The following NTNG1 variants were observed in gnomAD, a reference collection of about 807,000 sequenced individuals.
NTNG1 encodes the protein netrin-G1.
Under a neutral mutation model 54.0 loss-of-function variants are expected in NTNG1, and 16 were observed. The ratio of observed to expected loss-of-function variants is 0.30; its 90% CI spans 0.20 to 0.45. The LOEUF (loss-of-function observed/expected upper bound fraction) is 0.45. NTNG1 is among the 20% of genes least tolerant of loss of function. The probability of loss-of-function intolerance (pLI) is 1.00; values close to 1 mark genes in which losing one functional copy is unlikely to be tolerated. For synonymous variants in NTNG1, 255 were observed against 263.1 expected (o/e 0.97, Z 0.30); for missense variants, 530 against 678.7 (o/e 0.78, Z 2.43).
chr1:107,148,360 T>A lies in NTNG1; in HGVS notation c.-234T>A, dbSNP rs1654291101. 1 of 480,816 alleles carries A rather than the reference T, an allele frequency of 2.1e-6. No homozygotes were observed. The highest frequency in any genetic ancestry group is 3.1e-5 in the South Asian group (1 of 32,786). 29.8% of individuals were successfully genotyped at this position (480,816 alleles called of 1,614,324 possible). ...GTTGTTAACGCCTAACACACAAGTA[T>A]GTTAGGCTTCCACCAAAGTCCTCAA... is the stretch of plus-strand genomic sequence containing the variant. On this transcript the variant is annotated 5_prime_UTR_variant, in exon 2 of 8. The change abolishes an upstream ATG in the 5' untranslated region. Transcript: ENST00000370068.
At chr1:107,324,179 A>G in intron 2 of NTNG1, 103 bp from the exon 3 acceptor site, 2 of 997,992 alleles carry the variant, frequency 2.0e-6, no homozygotes, top group Non-Finnish European at 3.0e-6. Context: ...CTGAAAACAG[A>G]TTTTTTTTTT....
At chr1:107,454,830 G>A (rs1676839496) in intron 7 of NTNG1, among the ~76,000 whole-genome samples, 1 of 152,136 alleles carries the variant, frequency 6.6e-6, no homozygotes, top group Non-Finnish European at 1.5e-5. Context: ...GCTTCTTACA[G>A]ATAAGGAAAC....
chr1:107,323,965 C>T lies in NTNG1; in HGVS notation c.247-317C>T, dbSNP rs561798412. ...TCTATAGCATCTTTGTAAGAGGAAGCGGAGGTATTGAGCTGTTAGACAGTT... is the reference window on the plus strand; with the variant it reads ...TCTATAGCATCTTTGTAAGAGGAAGTGGAGGTATTGAGCTGTTAGACAGTT... On this transcript the variant is annotated intron_variant, in intron 2 of 7. Coordinates refer to ENST00000370068, the MANE Select transcript of NTNG1 (RefSeq NM_001113226.3). Among the ~76,000 whole-genome samples, 6 of 152,092 alleles carry T rather than the reference C, an allele frequency of 3.9e-5. No individual in the cohort carries two copies. The South Asian group carries it at 1.2e-3, about 32-fold the overall frequency.
chr1:107,364,031 A>G (rs1458407152), intron 3 of NTNG1, among the ~76,000 whole-genome samples: 1 of 152,132 alleles, frequency 6.6e-6, no homozygotes, highest in Admixed American at 6.6e-5. Flanking sequence ...ATTTTGCTTG[A>G]CTGACTAAGA....
At chr1:107,447,107 G>A (rs17466436) in intron 7 of NTNG1, among the ~76,000 whole-genome samples, 11,038 of 151,972 alleles carry the variant, frequency 0.073, 523 homozygotes, top group Non-Finnish European at 0.11. Context: ...AACTCTTTTG[G>A]GGAAATGGGC....
intron 3 of NTNG1, among the ~76,000 whole-genome samples, chr1:107,361,374 C>CACATATATATAT (rs1285054598): frequency 8.0e-5 from 7 of 87,998 alleles, no homozygotes; most frequent in Admixed American, 1.8e-4. Flanking sequence ...TATATATATA[C>CACATATATATAT]ATATATATAT....
intron 2 of NTNG1, among the ~76,000 whole-genome samples, chr1:107,215,871 T>C (rs1314001441): frequency 6.6e-6 from 1 of 152,028 alleles, no homozygotes; most frequent in Non-Finnish European, 1.5e-5. Flanking sequence ...CTTGGTTAAG[T>C]ATATTCCTAA....
chr1:107,434,624 T>C (rs1394081851), intron 6 of NTNG1, among the ~76,000 whole-genome samples: 1 of 152,164 alleles, frequency 6.6e-6, no homozygotes, highest in African/African-American at 2.4e-5. Context: ...TTGAAACCCA[T>C]GGTTGGGTAA....
chr1:107,235,935 A>G (rs186194883), intron 2 of NTNG1, among the ~76,000 whole-genome samples: 4 of 152,074 alleles, frequency 2.6e-5, no homozygotes, highest in Admixed American at 1.3e-4. Flanking sequence ...CCTCTCTCAC[A>G]CTCTGCCCCC....
At chr1:107,189,118 G>A (rs575395767) in intron 2 of NTNG1, among the ~76,000 whole-genome samples, 5 of 152,034 alleles carry the variant, frequency 3.3e-5, no homozygotes, top group Non-Finnish European at 7.4e-5. Context: ...TTGGGAGACC[G>A]AGGTGGGTGT....
intron 3 of NTNG1, among the ~76,000 whole-genome samples, chr1:107,378,945 T>C (rs1311841071): frequency 5.9e-5 from 9 of 152,256 alleles, no homozygotes; most frequent in Non-Finnish European, 1.3e-4. Flanking sequence ...CATAAAGCTC[T>C]TGTGTTTACC....
chr1:107,392,629 G>C (rs1672433381), intron 3 of NTNG1, among the ~76,000 whole-genome samples: 1 of 152,046 alleles, frequency 6.6e-6, no homozygotes, highest in Non-Finnish European at 1.5e-5. Context: ...GATTTGACAA[G>C]GGAGGCTGTG....
chr1:107,335,408 G>T (rs1668520488), intron 3 of NTNG1, among the ~76,000 whole-genome samples: 1 of 152,004 alleles, frequency 6.6e-6, no homozygotes, highest in South Asian at 2.1e-4. Context: ...AAGAGTTTGA[G>T]CTGAGGAGAC....
At chr1:107,469,525 C>T (rs1029459997) in intron 7 of NTNG1, among the ~76,000 whole-genome samples, 3 of 152,090 alleles carry the variant, frequency 2.0e-5, no homozygotes, top group Admixed American at 2.0e-4. Context: ...CTCTGTCTCC[C>T]AGGCTGGAGT....
chr1:107,238,580 G>T (rs972653688), intron 2 of NTNG1, among the ~76,000 whole-genome samples: 2 of 152,134 alleles, frequency 1.3e-5, no homozygotes, highest in African/African-American at 4.8e-5. Flanking sequence ...GACACAGTGG[G>T]AGGTAAATGA....
Position 107,324,739 on chromosome 1 carries a change from C to T in NTNG1, c.704C>T (p.Pro235Leu). The change falls in exon 3 of 8, where the codon CCT becomes CTT. Residue 235 changes from proline (P) to leucine (L), a missense_variant. Pro to Leu is a moderately conservative substitution (Grantham distance 98, BLOSUM62 -3). Transcript: ENST00000370068. ...GACAGGTTCGCGTTTTTTGCTGGACCTCGCCTACGCAATATGGCTTCCCTC... is the reference window on the plus strand; with the variant it reads ...GACAGGTTCGCGTTTTTTGCTGGACTTCGCCTACGCAATATGGCTTCCCTC... ...IKDRFAFFAGPRLRNMASLYG... is the reference protein window; with the variant it reads ...IKDRFAFFAGLRLRNMASLYG... The T allele has an allele frequency of 1.9e-6, 3 of 1,613,570 alleles. No individual in the cohort carries two copies. The highest frequency in any genetic ancestry group is 1.7e-5 in the Admixed American group (1 of 59,896).
intron 2 of NTNG1, among the ~76,000 whole-genome samples, chr1:107,179,122 G>A (rs1208195490): frequency 6.6e-6 from 1 of 152,156 alleles, no homozygotes; most frequent in Non-Finnish European, 1.5e-5. Context: ...TCTTTAGAGG[G>A]GGACAGTGAA....
At chr1:107,424,281 G>A (rs1674747253) in intron 5 of NTNG1, among the ~76,000 whole-genome samples, 2 of 152,058 alleles carry the variant, frequency 1.3e-5, no homozygotes, top group Non-Finnish European at 2.9e-5. Flanking sequence ...CAAAGGCCCT[G>A]GGAAGTGCTT....
intron 2 of NTNG1, among the ~76,000 whole-genome samples, chr1:107,301,996 C>T (rs2101805744): frequency 6.6e-6 from 1 of 152,286 alleles, no homozygotes; most frequent in South Asian, 2.1e-4. Context: ...TCCATAGGGT[C>T]TCCACTTAAT....
Sources: gnomAD v4.1 joint callset for allele counts (sites outside exome capture counted in the v4.1 genomes callset) on GRCh38, gnomAD v4.1.1 for gene constraint, MANE v1.5 for transcripts, NCBI Gene and HGNC (gene_info 2026-07-23, HGNC 2026-07-21) for gene names.